Variants in FOXP1 observed in about 807,000 individuals in gnomAD.
The protein encoded by FOXP1 is forkhead box protein P1.
A neutral mutation model predicts 98.2 loss-of-function variants in FOXP1; 15 were observed. That is an observed-to-expected ratio of 0.15 (90% confidence interval 0.10 to 0.24). FOXP1 has a LOEUF of 0.24. Ranked by LOEUF, FOXP1 falls within the 10% of genes least tolerant of loss-of-function variation. The pLI is 1.00. For synonymous variants in FOXP1, 371 were observed against 314.5 expected (o/e 1.18, Z -1.90); for missense variants, 633 against 848.5 (o/e 0.75, Z 3.15).
chr3:71,384,662 T>C (rs999476090), intron 3 of FOXP1, among the ~76,000 whole-genome samples: 9 of 152,208 alleles, frequency 5.9e-5, no homozygotes, highest in African/African-American at 2.2e-4. Context: ...CAGCATCTTA[T>C]CACATATATT....
Position 71,255,695 on chromosome 3 carries a change from T to C in FOXP1, c.-12+44125A>G, listed in dbSNP as rs192837473. Among the ~76,000 whole-genome samples the C allele has an allele frequency of 3.4e-3, 519 of 152,268 alleles. 5 individuals are homozygous for C. Among genetic ancestry groups the C allele is most frequent in the African/African-American group, 0.012 (511 of 41,550 alleles). On this transcript the variant is annotated intron_variant, in intron 5 of 20. Coordinates refer to ENST00000649528, the MANE Select transcript of FOXP1 (RefSeq NM_001349338.3). ...GTCTGATAAAATCTCCCTGGAAAAATTGATTCGATTATGATGAGTAATCCT... is the reference window on the plus strand; with the variant it reads ...GTCTGATAAAATCTCCCTGGAAAAACTGATTCGATTATGATGAGTAATCCT...
chr3:71,054,043 T>C (rs1194797609), intron 7 of FOXP1, among the ~76,000 whole-genome samples: 1 of 152,218 alleles, frequency 6.6e-6, no homozygotes, highest in African/African-American at 2.4e-5. Context: ...AAATGCTAAC[T>C]GGAGTTAAGA....
In FOXP1 at chr3:71,358,864, A is replaced by G. The variant is rs192586678; in HGVS notation, c.-73+286T>C. ...AGTTGCAAAAAAGACTGTATGGCTC[A>G]TGAGGATGACAATATTTCCTATCTG... On this transcript the variant is annotated intron_variant, in intron 4 of 20. Transcript: ENST00000649528. Among the ~76,000 whole-genome samples the G allele has an allele frequency of 2.3e-4, 35 of 152,286 alleles. No homozygotes were observed. In the East Asian group the frequency reaches 6.8e-3, roughly 29 times the overall value.
At chr3:71,134,040 C>A (rs933592177) in intron 6 of FOXP1, among the ~76,000 whole-genome samples, 10 of 152,148 alleles carry the variant, frequency 6.6e-5, no homozygotes, top group Non-Finnish European at 1.3e-4. Flanking sequence ...GTCCCCACCC[C>A]CATTTATGGA....
chr3:71,113,675 T>C (rs2058118764), intron 6 of FOXP1, among the ~76,000 whole-genome samples: 1 of 130,016 alleles, frequency 7.7e-6, no homozygotes, highest in East Asian at 2.4e-4. Context: ...ATCGCACCAC[T>C]GTGCTTCAGC....
chr3:71,280,630 ATC>A (rs1011456650), intron 5 of FOXP1, among the ~76,000 whole-genome samples: 1 of 151,704 alleles, frequency 6.6e-6, no homozygotes, highest in Non-Finnish European at 1.5e-5. Flanking sequence ...AGCCTACAAT[ATC>A]TTTTTTTTTT....
At chr3:71,130,901 C>A in intron 6 of FOXP1, 2 of 1,362,970 alleles carry the variant, frequency 1.5e-6, no homozygotes, top group Non-Finnish European at 1.9e-6. Flanking sequence ...CTGCAAGCAG[C>A]GACACAGCAC....
intron 10 of FOXP1, among the ~76,000 whole-genome samples, chr3:71,043,486 G>GT (rs763956624): frequency 1.8e-4 from 27 of 152,280 alleles, no homozygotes; most frequent in Middle Eastern, 6.8e-3. Flanking sequence ...GCCCGCTACT[G>GT]TTGTCTGCAC....
chr3:71,278,267 TAC>T (rs1386861449), intron 5 of FOXP1, among the ~76,000 whole-genome samples: 1 of 152,236 alleles, frequency 6.6e-6, no homozygotes, highest in Non-Finnish European at 1.5e-5. Flanking sequence ...TCCTGTTTTT[TAC>T]AGTCAGAAAA....
At chr3:71,030,848 C>T (rs1331643360) in intron 11 of FOXP1, among the ~76,000 whole-genome samples, 35 of 152,146 alleles carry the variant, frequency 2.3e-4, no homozygotes, top group Admixed American at 2.3e-3. Flanking sequence ...TCACACTGAT[C>T]TTTAACACGA....
intron 2 of FOXP1, among the ~76,000 whole-genome samples, chr3:71,517,546 C>G (rs2042672211): frequency 6.6e-6 from 1 of 152,360 alleles, no homozygotes; most frequent in East Asian, 1.9e-4. Context: ...CTTGACCAAT[C>G]AACTCGAGAT....
chr3:71,004,527 C>T (rs2042526770), intron 12 of FOXP1, among the ~76,000 whole-genome samples: 1 of 152,082 alleles, frequency 6.6e-6, no homozygotes, highest in Non-Finnish European at 1.5e-5. Context: ...AACTGAAGTG[C>T]ACAGTTTTCA....
At chr3:71,170,925 T>C (rs1401065596) in intron 6 of FOXP1, among the ~76,000 whole-genome samples, 1 of 152,142 alleles carries the variant, frequency 6.6e-6, no homozygotes, top group Admixed American at 6.5e-5. Flanking sequence ...TTTCTTTTCT[T>C]CTTTTTGTTT....
chr3:71,007,407 G>A (rs2042942865), intron 12 of FOXP1, among the ~76,000 whole-genome samples: 1 of 152,158 alleles, frequency 6.6e-6, no homozygotes, highest in African/African-American at 2.4e-5. Flanking sequence ...AGGCGTGCAA[G>A]CCGAGAGCCA....
At chr3:70,988,173 A>G in intron 13 of FOXP1, 96 bp from the exon 14 acceptor site, 1 of 1,055,290 alleles carries the variant, frequency 9.5e-7, no homozygotes, top group Non-Finnish European at 1.5e-6. Context: ...CTATGGCACC[A>G]CAGCACATGA....
chr3:71,152,875 G>A (rs1002021207), intron 6 of FOXP1, among the ~76,000 whole-genome samples: 1 of 152,154 alleles, frequency 6.6e-6, no homozygotes, highest in Admixed American at 6.5e-5. Flanking sequence ...AACAAAAAGG[G>A]TGGAGTGGAA....
chr3:71,402,052 A>C (rs1208468299), intron 3 of FOXP1, among the ~76,000 whole-genome samples: 1 of 152,196 alleles, frequency 6.6e-6, no homozygotes, highest in African/African-American at 2.4e-5. Context: ...CAGGCTCTGA[A>C]CTGGGGATCA....
At chr3:71,009,365 G>A (rs141098984) in intron 12 of FOXP1, among the ~76,000 whole-genome samples, 134 of 152,092 alleles carry the variant, frequency 8.8e-4, no homozygotes, top group African/African-American at 2.9e-3. Flanking sequence ...TGTTCCTTAC[G>A]CATGGTCAAC....
At chr3:71,560,561 C>T (rs1002624326) in intron 2 of FOXP1, among the ~76,000 whole-genome samples, 1 of 151,960 alleles carries the variant, frequency 6.6e-6, no homozygotes, top group African/African-American at 2.4e-5. Context: ...TAGGTACGTA[C>T]CAAAGAAAAC....
Sources: allele counts gnomAD v4.1 joint callset (sites outside exome capture counted in the v4.1 genomes callset), GRCh38; gene constraint gnomAD v4.1.1; transcripts MANE v1.5; gene names NCBI Gene and HGNC (gene_info 2026-07-23, HGNC 2026-07-21).